SUGCT: variants seen among roughly 807,000 people sequenced by gnomAD.
SUGCT encodes succinyl-CoA:glutarate CoA-transferase.
In SUGCT, 41 loss-of-function variants were observed where a neutral mutation model predicts 55.0. That is an observed-to-expected ratio of 0.74 (90% CI 0.58 to 0.97). The LOEUF is 0.97. SUGCT is among the 50% of genes least tolerant of loss of function. SUGCT has a pLI of 0.00. For synonymous variants in SUGCT, 187 were observed against 200.4 expected, an observed-to-expected ratio of 0.93 and a Z score of 0.56; for missense variants, 568 against 547.8, an observed-to-expected ratio of 1.04 and a Z score of -0.37.
the SUGCT span, among the ~76,000 whole-genome samples, chr7:40,960,752 C>T: frequency 7.8e-4 from 119 of 152,296 alleles, no homozygotes; most frequent in African/African-American, 2.8e-3. Flanking sequence ...TAAATTTCTT[C>T]CATTTTCATA....
intron 12 of SUGCT, chr7:40,538,940 A>T (rs1277505356): frequency 6.6e-6 from 1 of 152,296 alleles, no homozygotes; most frequent in African/African-American, 2.4e-5. Context: ...TTAGCCGGGC[A>T]TGGTGGCAGG....
At chr7:40,408,439 C>T (rs992787617) in intron 9 of SUGCT, among the ~76,000 whole-genome samples, 1 of 151,916 alleles carries the variant, frequency 6.6e-6, no homozygotes, top group African/African-American at 2.4e-5. Context: ...AGATGGTGAC[C>T]TCGTGGAACT....
In SUGCT at chr7:40,350,928, G is replaced by A. The variant is rs902783951; in HGVS notation, c.816+34073G>A. 3.3e-5 allele frequency among the ~76,000 whole-genome samples: 5 copies of A among 151,920 alleles called. 1 individual carries two copies. The highest frequency in any genetic ancestry group is 2.6e-4 in the Admixed American group (4 of 15,260). ...TTGTGTTAGTTTGCGGAGAATGATGGGTTCCAGTTTCATCCATGTCCCAGC... is the reference window on the plus strand; with the variant it reads ...TTGTGTTAGTTTGCGGAGAATGATGAGTTCCAGTTTCATCCATGTCCCAGC... On this transcript the variant is annotated intron_variant, in intron 9 of 13. Transcript: ENST00000335693.
At chr7:40,447,620 A>G (rs769876245) in intron 9 of SUGCT, among the ~76,000 whole-genome samples, 1 of 152,096 alleles carries the variant, frequency 6.6e-6, no homozygotes, top group Non-Finnish European at 1.5e-5. Context: ...GGGTGTTGGG[A>G]TTGATCAAAA....
chr7:40,924,227 T>C, the SUGCT span, among the ~76,000 whole-genome samples: 4 of 151,650 alleles, frequency 2.6e-5, no homozygotes, highest in Non-Finnish European at 4.4e-5. Flanking sequence ...GACTAAGACA[T>C]TTTATCTTCA....
chr7:40,644,341 C>T (rs1289874825), intron 12 of SUGCT, among the ~76,000 whole-genome samples: 1 of 152,214 alleles, frequency 6.6e-6, no homozygotes, highest in African/African-American at 2.4e-5. Flanking sequence ...CTTACTGCCT[C>T]TCTGGTTCTG....
chr7:40,148,148 G>T (rs1401320556), intron 1 of SUGCT, among the ~76,000 whole-genome samples: 1 of 149,810 alleles, frequency 6.7e-6, no homozygotes, highest in Non-Finnish European at 1.5e-5. Flanking sequence ...AGTCAGGGTG[G>T]AGTAGGTAAT....
At chr7:40,900,004 C>T in the SUGCT span, among the ~76,000 whole-genome samples, 1 of 152,186 alleles carries the variant, frequency 6.6e-6, no homozygotes, top group Non-Finnish European at 1.5e-5. Context: ...CTGGCCCTCT[C>T]TCTTCTAGAG....
At chr7:40,338,431 G>A (rs1198627025) in intron 9 of SUGCT, among the ~76,000 whole-genome samples, 2 of 152,110 alleles carry the variant, frequency 1.3e-5, no homozygotes, top group Admixed American at 6.5e-5. Context: ...ATATTTCTTG[G>A]AGGCTTTGTT....
At chr7:40,349,566 C>T (rs1218026797) in intron 9 of SUGCT, among the ~76,000 whole-genome samples, 1 of 152,168 alleles carries the variant, frequency 6.6e-6, no homozygotes, top group Non-Finnish European at 1.5e-5. Context: ...TTCTGGGGCC[C>T]TCTCTAAGAT....
intron 9 of SUGCT, among the ~76,000 whole-genome samples, chr7:40,397,747 AAG>A (rs544062270): frequency 3.5e-4 from 53 of 152,310 alleles, no homozygotes; most frequent in Middle Eastern, 3.4e-3. Context: ...GAGGAGGAGA[AAG>A]AGCTTGCTGG....
intron 1 of SUGCT, among the ~76,000 whole-genome samples, chr7:40,164,185 G>A (rs186609105): frequency 2.1e-4 from 31 of 150,874 alleles, no homozygotes; most frequent in African/African-American, 5.1e-4. Context: ...GTGCAGTGGC[G>A]CAATATTGGC....
At chr7:40,496,529 A>C (rs982906117) in intron 12 of SUGCT, 143 bp downstream of exon 12, 8 of 656,186 alleles carry the variant, frequency 1.2e-5, no homozygotes, top group Non-Finnish European at 1.9e-5. Flanking sequence ...TCTGAGATAA[A>C]AAGAACCAGA....
intron 11 of SUGCT, among the ~76,000 whole-genome samples, chr7:40,479,400 C>G (rs1015770257): frequency 6.6e-6 from 1 of 152,046 alleles, no homozygotes; most frequent in African/African-American, 2.4e-5. Context: ...GGTTTGTAGC[C>G]TAGCAGCAAT....
chr7:40,162,816 G>C (rs572498712), intron 1 of SUGCT, among the ~76,000 whole-genome samples: 353 of 152,220 alleles, frequency 2.3e-3, no homozygotes, highest in Non-Finnish European at 3.6e-3. Flanking sequence ...ATTCCAATTT[G>C]AAGATTGCCA....
intron 3 of SUGCT, among the ~76,000 whole-genome samples, chr7:40,186,639 T>A (rs192552913): frequency 2.0e-5 from 3 of 152,338 alleles, no homozygotes; most frequent in African/African-American, 7.2e-5. Context: ...TTATGTATAC[T>A]CTTCTTTTTG....
chr7:40,591,175 C>T (rs752151303), intron 12 of SUGCT, among the ~76,000 whole-genome samples: 19 of 152,224 alleles, frequency 1.2e-4, no homozygotes, highest in Non-Finnish European at 2.6e-4. Flanking sequence ...TAAGAACATT[C>T]GTGATTCATA....
At chr7:40,308,359 G>A (rs938809412) in intron 8 of SUGCT, among the ~76,000 whole-genome samples, 1 of 152,054 alleles carries the variant, frequency 6.6e-6, no homozygotes, top group African/African-American at 2.4e-5. Flanking sequence ...CCTAGTTGAC[G>A]AATTAAGTAT....
At chr7:40,517,762 C>T (rs1451625616) in intron 12 of SUGCT, among the ~76,000 whole-genome samples, 4 of 151,928 alleles carry the variant, frequency 2.6e-5, no homozygotes, top group Non-Finnish European at 5.9e-5. Flanking sequence ...TGATTTTCAC[C>T]ACTTATGGTT....
Sources: allele counts gnomAD v4.1 joint callset (sites outside exome capture counted in the v4.1 genomes callset), GRCh38; gene constraint gnomAD v4.1.1; transcripts MANE v1.5; gene names NCBI Gene and HGNC (gene_info 2026-07-23, HGNC 2026-07-21).